PPARGC1A: variants seen among roughly 807,000 people sequenced by gnomAD.
PPARGC1A encodes peroxisome proliferator-activated receptor gamma coactivator 1-alpha.
PPARGC1A carries 25 observed loss-of-function variants against 88.7 expected under a neutral mutation model. The observed-to-expected ratio is 0.28, with a 90% CI of 0.21 to 0.39. The LOEUF (loss-of-function observed/expected upper bound fraction) is 0.39. Among genes scored for constraint, PPARGC1A ranks in the 10% least tolerant of loss-of-function variants. The pLI is 1.00. For missense variants in PPARGC1A, 880 were observed against 968.7 expected, an observed-to-expected ratio of 0.91 and a Z score of 1.22; for synonymous variants, 363 against 355.6, an observed-to-expected ratio of 1.02 and a Z score of -0.24.
At chr4:24,027,225 GTC>G in the PPARGC1A span, among the ~76,000 whole-genome samples, 5,038 of 112,504 alleles carry the variant, frequency 0.045, 226 homozygotes, top group African/African-American at 0.11. Context: ...GTGTCTGTGT[GTC>G]TGTGTGTGTC....
At chr4:24,374,259 G>T in the PPARGC1A span, among the ~76,000 whole-genome samples, 2 of 152,172 alleles carry the variant, frequency 1.3e-5, no homozygotes, top group Admixed American at 6.6e-5. Context: ...CTGGCTGCTG[G>T]TCTAGACTCA....
chr4:24,467,615 C>T, the PPARGC1A span, among the ~76,000 whole-genome samples: 1 of 151,474 alleles, frequency 6.6e-6, no homozygotes, highest in Non-Finnish European at 1.5e-5. Flanking sequence ...CCTCAGTGGG[C>T]TGCTTTCTGC....
chr4:24,245,026 GA>G, the PPARGC1A span, among the ~76,000 whole-genome samples: 15 of 151,524 alleles, frequency 9.9e-5, no homozygotes, highest in African/African-American at 1.5e-4. Flanking sequence ...AGAAGAAAAA[GA>G]AAAAAAAGAG....
At chr4:24,261,524 A>AT in the PPARGC1A span, among the ~76,000 whole-genome samples, 2 of 151,906 alleles carry the variant, frequency 1.3e-5, no homozygotes, top group South Asian at 4.2e-4. Context: ...CTTTATTTCC[A>AT]TTTTTCACTT....
the PPARGC1A span, among the ~76,000 whole-genome samples, chr4:24,004,959 A>G: frequency 4.6e-5 from 7 of 152,150 alleles, no homozygotes; most frequent in Non-Finnish European, 1.0e-4. Flanking sequence ...TTCATTCCAT[A>G]CTAACTTACC....
the PPARGC1A span, among the ~76,000 whole-genome samples, chr4:24,062,153 A>G: frequency 6.6e-6 from 1 of 152,094 alleles, no homozygotes; most frequent in Non-Finnish European, 1.5e-5. Flanking sequence ...CTAAGAAACA[A>G]AGAAGTGGCA....
chr4:24,089,224 C>T, the PPARGC1A span, among the ~76,000 whole-genome samples: 19 of 152,146 alleles, frequency 1.2e-4, no homozygotes, highest in African/African-American at 4.1e-4. Context: ...TCACCCTCGC[C>T]ACAAAGGCCT....
chr4:24,338,383 G>A, the PPARGC1A span, among the ~76,000 whole-genome samples: 2 of 152,162 alleles, frequency 1.3e-5, no homozygotes, highest in African/African-American at 4.8e-5. Flanking sequence ...AGCACACAAT[G>A]AGAATATATT....
At chr4:24,056,942 A>G in the PPARGC1A span, among the ~76,000 whole-genome samples, 1 of 152,214 alleles carries the variant, frequency 6.6e-6, no homozygotes, top group Non-Finnish European at 1.5e-5. Context: ...AGCAATTCCA[A>G]TTCCAGGTAT....
the PPARGC1A span, among the ~76,000 whole-genome samples, chr4:24,226,359 T>G: frequency 6.6e-6 from 1 of 152,162 alleles, no homozygotes; most frequent in Non-Finnish European, 1.5e-5. Context: ...AGAATTGTTT[T>G]CAGGTCCTTC....
chr4:24,036,390 G>A, the PPARGC1A span, among the ~76,000 whole-genome samples: 5 of 152,118 alleles, frequency 3.3e-5, no homozygotes, highest in Admixed American at 2.6e-4. Flanking sequence ...GCACTCCTGG[G>A]TTTATATCCA....
At chr4:24,353,122 G>A in the PPARGC1A span, among the ~76,000 whole-genome samples, 6 of 151,816 alleles carry the variant, frequency 4.0e-5, no homozygotes, top group African/African-American at 1.2e-4. Context: ...GCCAGCAATC[G>A]AACCAAAATC....
chr4:24,322,848 T>G, the PPARGC1A span, among the ~76,000 whole-genome samples: 1 of 152,238 alleles, frequency 6.6e-6, no homozygotes, highest in Non-Finnish European at 1.5e-5. Flanking sequence ...AATGATTGGC[T>G]GCACTCTCCA....
chr4:24,012,371 T>C, the PPARGC1A span, among the ~76,000 whole-genome samples: 8 of 152,088 alleles, frequency 5.3e-5, no homozygotes, highest in East Asian at 1.5e-3. Flanking sequence ...GACCTGAACA[T>C]ATTATGCTCT....
intron 10 of PPARGC1A, among the ~76,000 whole-genome samples, chr4:23,805,742 T>C (rs761635198): frequency 4.6e-5 from 7 of 152,196 alleles, no homozygotes; most frequent in Non-Finnish European, 1.0e-4. Flanking sequence ...GGAATTTTTT[T>C]TTAATGAGCC....
chr4:24,393,050 C>T, the PPARGC1A span, among the ~76,000 whole-genome samples: 2 of 146,672 alleles, frequency 1.4e-5, no homozygotes, highest in African/African-American at 2.5e-5. Flanking sequence ...CACACACACC[C>T]CTTTTTCTGG....
At chr4:24,411,324 T>C in the PPARGC1A span, among the ~76,000 whole-genome samples, 1 of 152,238 alleles carries the variant, frequency 6.6e-6, no homozygotes, top group Non-Finnish European at 1.5e-5. Flanking sequence ...TGCTGTGAGT[T>C]GAGCAGGTAT....
chr4:23,895,221 T>A (rs1718405351), intron 1 of PPARGC1A, among the ~76,000 whole-genome samples: 1 of 149,584 alleles, frequency 6.7e-6, no homozygotes, highest in Non-Finnish European at 1.5e-5. Flanking sequence ...AGTGCTTGAG[T>A]ACTAATTAGC....
At chr4:24,258,097 G>T in the PPARGC1A span, 1 of 387,268 alleles carries the variant, frequency 2.6e-6, no homozygotes, top group Non-Finnish European at 3.5e-6. Context: ...CAATATCTGG[G>T]TGTGAAACTT....
Sources: allele counts gnomAD v4.1 joint callset (sites outside exome capture counted in the v4.1 genomes callset), GRCh38; gene constraint gnomAD v4.1.1; transcripts MANE v1.5; gene names NCBI Gene and HGNC (gene_info 2026-07-23, HGNC 2026-07-21).